Variants in CDK14 observed in about 807,000 individuals in gnomAD.
CDK14 encodes cyclin dependent kinase 14.
Under a neutral mutation model 60.7 loss-of-function variants are expected in CDK14, and 34 were observed. The ratio of observed to expected loss-of-function variants is 0.56; its 90% CI spans 0.43 to 0.75. CDK14 has a LOEUF of 0.75. Ranked by LOEUF, CDK14 falls within the 30% of genes least tolerant of loss-of-function variation. The probability of loss-of-function intolerance (pLI) is 0.00; values close to 1 mark genes in which losing one functional copy is unlikely to be tolerated. For missense variants in CDK14, 482 were observed against 564.1 expected (o/e 0.85, Z 1.47); for synonymous variants, 197 against 203.7 (o/e 0.97, Z 0.28).
intron 5 of CDK14, among the ~76,000 whole-genome samples, chr7:90,817,135 T>C (rs1032449033): frequency 7.2e-5 from 11 of 152,194 alleles, no homozygotes; most frequent in African/African-American, 2.7e-4. Context: ...CAAAAGACTA[T>C]CAAATAATTC....
intron 14 of CDK14, among the ~76,000 whole-genome samples, chr7:91,141,161 GAAGC>G (rs1336098026): frequency 6.6e-6 from 1 of 152,228 alleles, no homozygotes; most frequent in African/African-American, 2.4e-5. Flanking sequence ...TGAAGCAAAG[GAAGC>G]AAGAAAGTGG....
intron 2 of CDK14, among the ~76,000 whole-genome samples, chr7:90,634,082 G>A (rs932220364): frequency 6.6e-6 from 1 of 151,780 alleles, no homozygotes; most frequent in Non-Finnish European, 1.5e-5. Flanking sequence ...TGGTTAATAT[G>A]CATAGAAAGT....
chr7:91,006,716 T>G (rs1795989898), intron 10 of CDK14, among the ~76,000 whole-genome samples: 1 of 152,262 alleles, frequency 6.6e-6, no homozygotes, highest in Non-Finnish European at 1.5e-5. Flanking sequence ...ATATTTTCTT[T>G]TATGCCCATG....
At chr7:90,823,519 G>A (rs1789621174) in intron 5 of CDK14, among the ~76,000 whole-genome samples, 1 of 152,142 alleles carries the variant, frequency 6.6e-6, no homozygotes, top group Non-Finnish European at 1.5e-5. Context: ...AAGCCCTGTT[G>A]GGTTTTTCCA....
intron 14 of CDK14, among the ~76,000 whole-genome samples, chr7:91,139,127 T>C (rs753025294): frequency 2.0e-5 from 3 of 152,164 alleles, no homozygotes; most frequent in Non-Finnish European, 4.4e-5. Context: ...TCTTCATCAG[T>C]GCTCCCTCAA....
At chr7:91,128,741 A>G (rs891930804) in intron 14 of CDK14, among the ~76,000 whole-genome samples, 1 of 152,118 alleles carries the variant, frequency 6.6e-6, no homozygotes, top group Non-Finnish European at 1.5e-5. Context: ...TGCAGACTGC[A>G]GGGGTGAATT....
chr7:90,870,011 A>G (rs1791314107), intron 6 of CDK14, among the ~76,000 whole-genome samples: 3 of 152,230 alleles, frequency 2.0e-5, no homozygotes, highest in African/African-American at 4.8e-5. Flanking sequence ...TTTCAAGCCC[A>G]TGTTTTGACT....
intron 6 of CDK14, among the ~76,000 whole-genome samples, chr7:90,883,598 A>G (rs1791837774): frequency 6.6e-6 from 1 of 152,240 alleles, no homozygotes; most frequent in African/African-American, 2.4e-5. Flanking sequence ...TGAAGCCAGC[A>G]TCATCCTCAT....
At chr7:91,016,802 C>T (rs1796313858) in intron 10 of CDK14, among the ~76,000 whole-genome samples, 1 of 152,128 alleles carries the variant, frequency 6.6e-6, no homozygotes, top group South Asian at 2.1e-4. Flanking sequence ...GATATTTTTT[C>T]ATAAGCCAAA....
intron 2 of CDK14, chr7:90,710,695 G>A: frequency 2.1e-5 from 6 of 285,264 alleles, no homozygotes; most frequent in Non-Finnish European, 3.2e-5. Context: ...GGATGCTAAT[G>A]GAGAACCCCT....
chr7:90,860,353 A>G (rs1207244285), intron 5 of CDK14, among the ~76,000 whole-genome samples: 1 of 151,984 alleles, frequency 6.6e-6, no homozygotes, highest in Middle Eastern at 3.2e-3. Flanking sequence ...ATTTGACCCC[A>G]TAATTCTATT....
intron 13 of CDK14, among the ~76,000 whole-genome samples, chr7:91,115,227 C>A (rs1158869987): frequency 6.6e-6 from 1 of 152,104 alleles, no homozygotes; most frequent in Non-Finnish European, 1.5e-5. Context: ...TAACAAAATA[C>A]CTTAGACTGG....
chr7:90,863,698 T>TGTTTG (rs61201271), intron 6 of CDK14, among the ~76,000 whole-genome samples: 5 of 58,468 alleles, frequency 8.6e-5, no homozygotes, highest in Non-Finnish European at 1.6e-4. Context: ...GTGTGTGTGT[T>TGTTTG]TGTGTGTGTG....
intron 2 of CDK14, among the ~76,000 whole-genome samples, chr7:90,639,828 C>T (rs917792359): frequency 2.0e-5 from 3 of 152,066 alleles, no homozygotes; most frequent in Non-Finnish European, 4.4e-5. Flanking sequence ...CAATGGCGGG[C>T]GCCCCTCCCC....
chr7:90,741,679 T>G (rs892505392), intron 3 of CDK14, among the ~76,000 whole-genome samples: 1 of 152,220 alleles, frequency 6.6e-6, no homozygotes, highest in African/African-American at 2.4e-5. Context: ...TGGAAGAGAT[T>G]AGTATCTAAA....
At chr7:91,005,989 C>T (rs951455243) in intron 10 of CDK14, among the ~76,000 whole-genome samples, 3 of 152,210 alleles carry the variant, frequency 2.0e-5, no homozygotes, top group Non-Finnish European at 4.4e-5. Context: ...CAGTCTTGTC[C>T]TGGTCCCACC....
At chr7:91,134,869 C>G (rs1233178013) in intron 14 of CDK14, among the ~76,000 whole-genome samples, 1 of 151,082 alleles carries the variant, frequency 6.6e-6, no homozygotes, top group African/African-American at 2.5e-5. Flanking sequence ...AGAGTGAGAC[C>G]CTGTCTCAAA....
intron 8 of CDK14, among the ~76,000 whole-genome samples, chr7:90,929,049 C>T (rs923861331): frequency 6.6e-6 from 1 of 152,206 alleles, no homozygotes; most frequent in Non-Finnish European, 1.5e-5. Context: ...TCCTGGTGTG[C>T]CGTTTGCTAA....
At chr7:91,134,595 C>T (rs558819581) in intron 14 of CDK14, among the ~76,000 whole-genome samples, 17 of 152,056 alleles carry the variant, frequency 1.1e-4, no homozygotes, top group East Asian at 5.8e-4. Context: ...GAATTTAGGC[C>T]GGGCATGGTA....
Sources: gnomAD v4.1 joint callset for allele counts (sites outside exome capture counted in the v4.1 genomes callset) on GRCh38, gnomAD v4.1.1 for gene constraint, MANE v1.5 for transcripts, NCBI Gene and HGNC (gene_info 2026-07-23, HGNC 2026-07-21) for gene names.